Variants in LAMB2 observed in about 807,000 individuals in gnomAD.
LAMB2 encodes the protein laminin subunit beta-2.
A neutral mutation model predicts 202.7 loss-of-function variants in LAMB2; 119 were observed. That is an observed-to-expected ratio of 0.59 (90% confidence interval 0.51 to 0.68). The LOEUF is 0.68. Ranked by LOEUF, LAMB2 falls within the 30% of genes least tolerant of loss-of-function variation. The probability of loss-of-function intolerance (pLI) is 0.00; values close to 1 mark genes in which losing one functional copy is unlikely to be tolerated. For synonymous variants in LAMB2, 818 were observed against 902.2 expected (o/e 0.91, Z 1.67); for missense variants, 2,124 against 2,410.6 (o/e 0.88, Z 2.49).
Position 49,132,318 on chromosome 3 carries a change from T to C in LAMB2, c.337A>G (p.Thr113Ala). Residue 113 changes from threonine (T) to alanine (A), a missense_variant, in exon 3 of 32, where the codon ACC becomes GCC. By Grantham distance (58) the Thr-to-Ala change is moderately conservative. This residue lies in a region of LAMB2 where 166 missense variants were observed against 158.2 expected (regional missense o/e 1.05). Coordinates refer to ENST00000305544, the MANE Select transcript of LAMB2 (RefSeq NM_002292.4). This position sits in a 1 kb window ranked among gnomAD's most constrained non-coding sequence, Gnocchi z 4.6. ...PHSHRIQNVVTSFAPQRRAAW... is the reference protein window; with the variant it reads ...PHSHRIQNVVASFAPQRRAAW... The stretch of plus-strand genomic sequence containing the variant: ...GCCCGCCGCTGTGGTGCAAAGCTGG[T>C]GACTACATTCTGGATGCGATGGCTG... 1 of 1,614,234 alleles carries C rather than the reference T, an allele frequency of 6.2e-7. No individual in the cohort carries two copies. The highest frequency in any genetic ancestry group is 8.5e-7 in the Non-Finnish European group (1 of 1,180,036).
In LAMB2 at chr3:49,130,252, G is replaced by A. The variant is rs757136658; in HGVS notation, c.1204C>T (p.Arg402Trp). Reference sequence around the variant, plus strand: ...TCACAGCGGCACACAGCCGGATCCCGCAGGTCCTTGGTTGGGTCACGGTAG... The same window carrying A: ...TCACAGCGGCACACAGCCGGATCCCACAGGTCCTTGGTTGGGTCACGGTAG... ...FFYRDPTKDL[R>W]DPAVCRSCDC... is the part of the protein sequence containing the mutation. Residue 402 changes from arginine to tryptophan, a missense_variant, in exon 9 of 32, where the codon CGG (arginine) becomes TGG (tryptophan). Transcript: ENST00000305544. This position sits in a 1 kb window ranked among gnomAD's most constrained non-coding sequence, Gnocchi z 5.0. 5.0e-6 allele frequency: 8 copies of A among 1,614,198 alleles called. No homozygotes were observed. Among genetic ancestry groups the A allele is most frequent in the East Asian group, 2.2e-5 (1 of 44,882 alleles).
rs1019996402 is a variant in LAMB2 at position 49,131,789 on chromosome 3, G to A, written c.460-66C>T. On this transcript the variant is annotated intron_variant, in intron 4 of 31. Coordinates refer to ENST00000305544, the MANE Select transcript of LAMB2 (RefSeq NM_002292.4). The surrounding 1 kb of genome is among the most constrained non-coding windows in gnomAD (Gnocchi z 5.0). ...CAAGCCCAACCCAGAGCCATCAAGA[G>A]CCCTGCTCAGCCCAAGACTGCCCTC... 2 of 1,535,562 alleles carry A rather than the reference G, an allele frequency of 1.3e-6. No homozygotes were observed. Among genetic ancestry groups the A allele is most frequent in the African/African-American group, 1.4e-5 (1 of 73,394 alleles).
At position 49,132,232 on chromosome 3, in the gene LAMB2, G is replaced by A. The variant is rs2045489060; in HGVS notation, c.385+38C>T. 1.2e-6 allele frequency: 2 copies of A among 1,614,120 alleles called. No individual in the cohort carries two copies. Among genetic ancestry groups the A allele is most frequent in the South Asian group, 1.1e-5 (1 of 91,070 alleles). ...AGTCAAGGACTCAAAGCTACTGGTG[G>A]GCAGCCCTGCTCACTTTTGCCCCAC... On this transcript the variant is annotated intron_variant, in intron 3 of 31. Coordinates refer to ENST00000305544, the MANE Select transcript of LAMB2 (RefSeq NM_002292.4). The surrounding 1 kb of genome is among the most constrained non-coding windows in gnomAD (Gnocchi z 4.6).
rs1389632508 is a variant in LAMB2 at position 49,121,225 on chromosome 3, G to T, written c.*1C>A. ...GAACTGGGGTAGGCCTTGGGCAGGG[G>T]TCACTGGCAGGTGTTGTAGATCTGC... On this transcript the variant is annotated 3_prime_UTR_variant, in exon 32 of 32. Coordinates refer to ENST00000305544, the MANE Select transcript of LAMB2 (RefSeq NM_002292.4). 1.2e-6 allele frequency: 2 copies of T among 1,612,090 alleles called. No individual in the cohort carries two copies. The highest frequency in any genetic ancestry group is 1.7e-6 in the Non-Finnish European group (2 of 1,180,026).
chr3:49,126,184 G>T, intron 16 of LAMB2, 25 bp from the exon 17 acceptor site: 1 of 1,610,310 alleles, frequency 6.2e-7, no homozygotes, highest in Non-Finnish European at 8.5e-7. Context: ...AAGGAAGATC[G>T]CAGTTCAGAC....
At chr3:49,121,887 C>G in intron 29 of LAMB2, 27 bp from the exon 30 acceptor site, 1 of 1,613,550 alleles carries the variant, frequency 6.2e-7, no homozygotes, top group Non-Finnish European at 8.5e-7. Context: ...AAAGGTTACA[C>G]AGATCTACGG....
At position 49,125,449 on chromosome 3, in the gene LAMB2, G is replaced by T. The variant is rs1380503405; in HGVS notation, c.2524C>A (p.Leu842Ile). The change falls in exon 19 of 32, where the codon CTC (leucine) becomes ATC (isoleucine). Residue 842 changes from leucine (L) to isoleucine (I), a missense_variant. Leu to Ile is a conservative substitution (Grantham distance 5). Transcript: ENST00000305544. Reference protein sequence around the residue: ...QCSHEGALSSLCEKTSGQCLC... With the variant: ...QCSHEGALSSICEKTSGQCLC... Reference sequence around the variant, plus strand: ...CATTGCCCACTGGTCTTTTCACAGAGACTGCTGAGTGCCCCCTCGTGGCTG... The same window carrying T: ...CATTGCCCACTGGTCTTTTCACAGATACTGCTGAGTGCCCCCTCGTGGCTG... The T allele has an allele frequency of 6.2e-7, 1 of 1,612,274 alleles. No individual in the cohort carries two copies. The highest frequency in any genetic ancestry group is 2.2e-5 in the East Asian group (1 of 44,788).
chr3:49,130,164 G>T lies in LAMB2; in HGVS notation c.1225+67C>A. 6.3e-7 allele frequency: 1 copy of T among 1,596,750 alleles called. No homozygotes were observed. The highest frequency in any genetic ancestry group is 8.6e-7 in the Non-Finnish European group (1 of 1,167,186). On this transcript the variant is annotated intron_variant, in intron 9 of 31. Coordinates refer to ENST00000305544, the MANE Select transcript of LAMB2 (RefSeq NM_002292.4). The surrounding 1 kb of genome is among the most constrained non-coding windows in gnomAD (Gnocchi z 5.0). ...ACCCCAATTTCCTGCAATTTAGACAGCAGTCCAGCTCTCTAGTTCCTGCCC... is the reference window on the plus strand; with the variant it reads ...ACCCCAATTTCCTGCAATTTAGACATCAGTCCAGCTCTCTAGTTCCTGCCC...
Position 49,130,858 on chromosome 3 carries a change from C to T in LAMB2, c.918G>A (p.Val306=). ...PGAPAHAEGM[V]HGACICKHNT... is the part of the protein sequence containing the mutation. ...TGTGTTTGCAGATGCAAGCTCCGTGCACCTATAGAGGTTGGCAGGTAGGTT... is the reference window on the plus strand; with the variant it reads ...TGTGTTTGCAGATGCAAGCTCCGTGTACCTATAGAGGTTGGCAGGTAGGTT... Residue 306 remains valine (V), a splice_region_variant and synonymous_variant, in exon 8 of 32, where the codon GTG becomes GTA. Transcript: ENST00000305544. The surrounding 1 kb of genome is among the most constrained non-coding windows in gnomAD (Gnocchi z 5.0). The T allele has an allele frequency of 6.2e-7, 1 of 1,614,178 alleles. No homozygotes were observed. Among genetic ancestry groups the T allele is most frequent in the South Asian group, 1.1e-5 (1 of 91,088 alleles).
Position 49,129,612 on chromosome 3 carries a change from G to C in LAMB2, c.1510C>G (p.Arg504Gly), listed in dbSNP as rs1022792353. 6.2e-7 allele frequency: 1 copy of C among 1,612,890 alleles called. No individual in the cohort carries two copies. The highest frequency in any genetic ancestry group is 1.1e-5 in the South Asian group (1 of 91,032). The change falls in exon 11 of 32, where the codon CGC (arginine) becomes GGC (glycine). Residue 504 changes from arginine to glycine, a missense_variant. Arg to Gly is a moderately radical substitution (Grantham distance 125). This residue lies in a region of LAMB2 where 1,702 missense variants were observed against 1,896.3 expected (regional missense o/e 0.90). Coordinates refer to ENST00000305544, the MANE Select transcript of LAMB2 (RefSeq NM_002292.4). The surrounding 1 kb of genome is among the most constrained non-coding windows in gnomAD (Gnocchi z 6.1). ...KRLVTGRGCD[R>G]CLPGHWGLSH... Reference sequence around the variant, plus strand: ...GCCCCTTCCAGTCGCACCAGGCAGCGGTCACATCCACGTCCAGTCACTAGA... The same window carrying C: ...GCCCCTTCCAGTCGCACCAGGCAGCCGTCACATCCACGTCCAGTCACTAGA...
At position 49,124,087 on chromosome 3, in the gene LAMB2, G is replaced by C. The variant is rs766374953; in HGVS notation, c.3438C>G (p.Asp1146Glu). 6.2e-7 allele frequency: 1 copy of C among 1,613,972 alleles called. No individual in the cohort carries two copies. Among genetic ancestry groups the C allele is most frequent in the East Asian group, 2.2e-5 (1 of 44,900 alleles). ...ACTGAGGTGTATCTATTCCACGAGA[G>C]TCACAATCACAGGCTGCAAGAAAGA... ...PGLQCHACDC[D>E]SRGIDTPQCH... The change falls in exon 24 of 32, where the codon GAC becomes GAG. Residue 1146 changes from aspartate (D) to glutamate (E), a missense_variant. Asp to Glu is a conservative substitution (Grantham distance 45). Around this residue, in one of 3 missense-constraint regions of LAMB2, gnomAD observed 1,702 missense variants for 1,896.3 expected, o/e 0.90. Coordinates refer to ENST00000305544, the MANE Select transcript of LAMB2 (RefSeq NM_002292.4).
chr3:49,125,593 T>G (rs1369234592), intron 18 of LAMB2, 109 bp from the exon 19 acceptor site: 1 of 1,398,682 alleles, frequency 7.1e-7, no homozygotes, highest in Non-Finnish European at 9.8e-7. Context: ...GGTGGGAAGG[T>G]CAGGAAATGG....
rs2107641020 is a variant in LAMB2, at chr3:49,127,051, C to T, written c.2019-554G>A. On this transcript the variant is annotated intron_variant, in intron 15 of 31. Coordinates refer to ENST00000305544, the MANE Select transcript of LAMB2 (RefSeq NM_002292.4). ...AGGATGGATGGAGTACAGTGCGTGA[C>T]CTTGGCTCACTGCAGCCTTGACCTC... is the stretch of plus-strand genomic sequence containing the variant. Among the ~76,000 whole-genome samples the T allele has an allele frequency of 2.0e-5, 3 of 152,162 alleles. No individual in the cohort carries two copies. In the Middle Eastern group the frequency reaches 0.01, roughly 518 times the overall value.
Position 49,130,689 on chromosome 3 carries a change from C to T in LAMB2, c.1036+51G>A. ...AACTAGCTCTAGGTTCTACCCAGGG[C>T]ACAGCCAGGCTGCAGAGTGCTGGAG... is the stretch of plus-strand genomic sequence containing the variant. On this transcript the variant is annotated intron_variant, in intron 8 of 31. Transcript: ENST00000305544. The surrounding 1 kb of genome is among the most constrained non-coding windows in gnomAD (Gnocchi z 5.0). 1 of 1,611,084 alleles carries T rather than the reference C, an allele frequency of 6.2e-7. No individual in the cohort carries two copies. The highest frequency in any genetic ancestry group is 8.5e-7 in the Non-Finnish European group (1 of 1,179,810).
intron 18 of LAMB2, 85 bp downstream of exon 18, chr3:49,125,662 A>G (rs1211451057): frequency 6.4e-6 from 10 of 1,558,608 alleles, no homozygotes; most frequent in Non-Finnish European, 6.1e-6. Context: ...GTTTGAGGAA[A>G]CCAGCAGCAG....
Position 49,132,988 on chromosome 3 carries a change from T to G in LAMB2, c.-121A>C. On this transcript the variant is annotated 5_prime_UTR_variant, in exon 1 of 32. Transcript: ENST00000305544. The surrounding 1 kb of genome is among the most constrained non-coding windows in gnomAD (Gnocchi z 4.6). ...CTTTGGCCTGTTTCCCTCCAGGCCC[T>G]CTGTCAGTTCCCAGGTCTGTCCAGC... 2 of 840,208 alleles carry G rather than the reference T, an allele frequency of 2.4e-6. No homozygotes were observed. Among genetic ancestry groups the G allele is most frequent in the Admixed American group, 2.0e-5 (1 of 50,910 alleles). The allele number at this position is 840,208 out of a possible 1,614,324, so 52.0% of individuals were successfully genotyped here.
rs2045284967 is a variant in LAMB2, at chr3:49,121,925, T to G, written c.4923+19A>C. The G allele has an allele frequency of 6.2e-7, 1 of 1,613,760 alleles. No individual in the cohort carries two copies. The highest frequency in any genetic ancestry group is 1.7e-5 in the Admixed American group (1 of 60,008). On this transcript the variant is annotated intron_variant, in intron 29 of 31. Coordinates refer to ENST00000305544, the MANE Select transcript of LAMB2 (RefSeq NM_002292.4). Reference sequence around the variant, plus strand: ...CATGCCCATAACCTTGTCCCACTGATGTCCTAGGAAGACCTCACCTGGTAC... The same window carrying G: ...CATGCCCATAACCTTGTCCCACTGAGGTCCTAGGAAGACCTCACCTGGTAC...
At position 49,125,240 on chromosome 3, in the gene LAMB2, G is replaced by T. The variant is rs369359244; in HGVS notation, c.2720+13C>A. On this transcript the variant is annotated intron_variant, in intron 19 of 31. Coordinates refer to ENST00000305544, the MANE Select transcript of LAMB2 (RefSeq NM_002292.4). The stretch of plus-strand genomic sequence containing the variant: ...CCCACCAACCAACCCACTCATAGCT[G>T]CTCCAGTCTCACCTTTCACAGTGCT... 2.9e-5 allele frequency: 46 copies of T among 1,613,640 alleles called. No individual in the cohort carries two copies. The highest frequency in any genetic ancestry group is 1.6e-4 in the Middle Eastern group (1 of 6,084).
chr3:49,132,722 T>C lies in LAMB2; in HGVS notation c.77-59A>G. 6.2e-7 allele frequency: 1 copy of C among 1,613,756 alleles called. No homozygotes were observed. ...TCCTATCCAGTGGCTCCACCTCATG[T>C]GCCCCAAGGGCAACTACCAGGACCT... On this transcript the variant is annotated intron_variant, in intron 1 of 31. Transcript: ENST00000305544. This position sits in a 1 kb window ranked among gnomAD's most constrained non-coding sequence, Gnocchi z 4.6.
Sources: allele counts gnomAD v4.1 joint callset (sites outside exome capture counted in the v4.1 genomes callset), GRCh38; gene constraint gnomAD v4.1.1; regional missense constraint gnomAD v4.1.1; non-coding constraint Gnocchi (gnomAD v3.1); transcripts MANE v1.5; gene names NCBI Gene and HGNC (gene_info 2026-07-23, HGNC 2026-07-21).